ALK: variants seen among roughly 807,000 people sequenced by gnomAD.
ALK encodes ALK tyrosine kinase receptor.
ALK carries 74 observed loss-of-function variants against 163.1 expected under a neutral mutation model. That is an observed-to-expected ratio of 0.45 (90% confidence interval 0.38 to 0.55). The LOEUF (loss-of-function observed/expected upper bound fraction) is 0.55, where lower values mean the gene tolerates loss of function less well. Ranked by LOEUF, ALK falls within the 20% of genes least tolerant of loss-of-function variation. ALK has a pLI of 0.00. For missense variants in ALK, 2,063 were observed against 2,105.3 expected, an observed-to-expected ratio of 0.98 and a Z score of 0.39; for synonymous variants, 960 against 843.2, an observed-to-expected ratio of 1.14 and a Z score of -2.40.
chr2:29,205,103 A>G (rs1433140864), intron 26 of ALK, among the ~76,000 whole-genome samples: 1 of 152,124 alleles, frequency 6.6e-6, no homozygotes, highest in African/African-American at 2.4e-5. Context: ...TATCCTCCTA[A>G]GAGTATTGTT....
chr2:29,865,352 TG>T (rs1666405761), intron 1 of ALK, among the ~76,000 whole-genome samples: 2 of 152,204 alleles, frequency 1.3e-5, no homozygotes, highest in Non-Finnish European at 2.9e-5. Flanking sequence ...GGCAAGGAGC[TG>T]GGTCCCCAGA....
intron 3 of ALK, among the ~76,000 whole-genome samples, chr2:29,649,020 C>A (rs1219898859): frequency 6.6e-6 from 1 of 152,142 alleles, no homozygotes; most frequent in African/African-American, 2.4e-5. Context: ...GATGTTAATG[C>A]AGATGCTACT....
intron 4 of ALK, among the ~76,000 whole-genome samples, chr2:29,502,502 G>T (rs1256082835): frequency 1.3e-5 from 2 of 152,190 alleles, no homozygotes; most frequent in South Asian, 2.1e-4. Flanking sequence ...TTACTCAGAG[G>T]TTCTTGTTAC....
chr2:29,719,489 A>G (rs1456118970), intron 1 of ALK, among the ~76,000 whole-genome samples: 1 of 152,226 alleles, frequency 6.6e-6, no homozygotes, highest in African/African-American at 2.4e-5. Flanking sequence ...ACGTAGGGTT[A>G]CTTTGGGTGG....
chr2:29,774,473 C>T (rs1681115149), intron 1 of ALK, among the ~76,000 whole-genome samples: 1 of 152,186 alleles, frequency 6.6e-6, no homozygotes, highest in South Asian at 2.1e-4. Flanking sequence ...CTCTGACATA[C>T]ATCTCTGTTT....
chr2:29,683,457 T>G (rs958737623), intron 3 of ALK, among the ~76,000 whole-genome samples: 1 of 151,916 alleles, frequency 6.6e-6, no homozygotes, highest in Non-Finnish European at 1.5e-5. Context: ...CAAAGCAAGA[T>G]GTAGAAAATT....
At chr2:29,653,951 C>T (rs1385905286) in intron 3 of ALK, among the ~76,000 whole-genome samples, 2 of 152,096 alleles carry the variant, frequency 1.3e-5, no homozygotes, top group Non-Finnish European at 2.9e-5. Context: ...CCCAGCTACT[C>T]AGGAGGCTGA....
rs181749120 is a variant in ALK, at chr2:29,781,925, C to T, written c.668-64228G>A. 5.0e-3 allele frequency among the ~76,000 whole-genome samples: 763 copies of T among 152,176 alleles called. 31 individuals are homozygous for T. The highest frequency in any genetic ancestry group is 0.044 in the Admixed American group (679 of 15,300). ...AGAACTGGGCCCACAGTGGTCGCCC[C>T]GACAGCCTGAGTGCAAGCTTCAAAA... On this transcript the variant is annotated intron_variant, in intron 1 of 28. Transcript: ENST00000389048.
At chr2:29,914,812 G>A (rs1413961506) in intron 1 of ALK, among the ~76,000 whole-genome samples, 1 of 152,180 alleles carries the variant, frequency 6.6e-6, no homozygotes, top group African/African-American at 2.4e-5. Flanking sequence ...TCTGCACTTG[G>A]AGATGATTCC....
intron 1 of ALK, among the ~76,000 whole-genome samples, chr2:29,718,963 C>G (rs62130965): frequency 0.083 from 12,595 of 152,288 alleles, 677 homozygotes; most frequent in Non-Finnish European, 0.12. Context: ...ACCCCCTGTA[C>G]CAGCTCTTGC....
chr2:29,522,869 G>A (rs762525245), intron 4 of ALK, among the ~76,000 whole-genome samples: 25 of 152,140 alleles, frequency 1.6e-4, no homozygotes, highest in East Asian at 3.9e-4. Flanking sequence ...TGGAGTTTTC[G>A]TTAGGGAAGA....
In ALK at chr2:29,630,584, T is replaced by C. The variant is rs189455694; in HGVS notation, c.952+64266A>G. Among the ~76,000 whole-genome samples the C allele has an allele frequency of 3.9e-4, 59 of 152,264 alleles. No homozygotes were observed. In the East Asian group the frequency reaches 9.2e-3, roughly 24 times the overall value. On this transcript the variant is annotated intron_variant, in intron 3 of 28. Coordinates refer to ENST00000389048, the MANE Select transcript of ALK (RefSeq NM_004304.5). ...AGTACCTGAGTGTATTAGGTATTTA[T>C]AATTTTAATATAATTTTTAAAATAT...
intron 4 of ALK, among the ~76,000 whole-genome samples, chr2:29,417,784 G>C (rs1348677638): frequency 6.6e-6 from 1 of 152,204 alleles, no homozygotes; most frequent in African/African-American, 2.4e-5. Flanking sequence ...ACATAAGGAG[G>C]AGTGGAATAG....
chr2:29,225,736 T>C (rs1244188575), intron 18 of ALK, among the ~76,000 whole-genome samples, 171 bp from the exon 19 acceptor site: 1 of 152,192 alleles, frequency 6.6e-6, no homozygotes, highest in Non-Finnish European at 1.5e-5. Context: ...ACCAGACTCA[T>C]CCCGATTTGA....
At chr2:29,560,640 C>G (rs556846030) in intron 3 of ALK, among the ~76,000 whole-genome samples, 1 of 151,510 alleles carries the variant, frequency 6.6e-6, no homozygotes, top group South Asian at 2.1e-4. Context: ...GGCATAATTT[C>G]GGCTCACTGC....
chr2:29,805,876 C>T (rs1572394183), intron 1 of ALK, among the ~76,000 whole-genome samples: 1 of 152,286 alleles, frequency 6.6e-6, no homozygotes, highest in East Asian at 1.9e-4. Context: ...ATCTCTATTT[C>T]ACTCCTGTAT....
At chr2:29,803,890 G>A (rs1664546069) in intron 1 of ALK, among the ~76,000 whole-genome samples, 1 of 152,242 alleles carries the variant, frequency 6.6e-6, no homozygotes, top group African/African-American at 2.4e-5. Context: ...GTCCCTTACA[G>A]GAGGCATTTT....
chr2:29,439,880 T>C (rs1416475434), intron 4 of ALK, among the ~76,000 whole-genome samples: 1 of 152,118 alleles, frequency 6.6e-6, no homozygotes, highest in Non-Finnish European at 1.5e-5. Flanking sequence ...ATTTTGAATG[T>C]CTAGCCTCCA....
intron 4 of ALK, among the ~76,000 whole-genome samples, chr2:29,489,562 AGT>A (rs1212511669): frequency 1.3e-5 from 2 of 152,334 alleles, no homozygotes; most frequent in Admixed American, 1.3e-4. Flanking sequence ...GGCCTCCCAA[AGT>A]ATTGGGATTA....
Sources: allele counts gnomAD v4.1 joint callset (sites outside exome capture counted in the v4.1 genomes callset), GRCh38; gene constraint gnomAD v4.1.1; transcripts MANE v1.5; gene names NCBI Gene and HGNC (gene_info 2026-07-23, HGNC 2026-07-21).